The following UBTD2 variants were observed in gnomAD, a reference collection of about 807,000 sequenced individuals.
The protein encoded by UBTD2 is ubiquitin domain containing 2.
Under a neutral mutation model 19.8 loss-of-function variants are expected in UBTD2, and 9 were observed. The observed-to-expected ratio is 0.46, with a 90% CI of 0.27 to 0.79. The LOEUF (loss-of-function observed/expected upper bound fraction) is 0.79, where lower values mean the gene tolerates loss of function less well. Among genes scored for constraint, UBTD2 ranks in the 30% least tolerant of loss-of-function variants. The probability of loss-of-function intolerance (pLI) is 0.14; values close to 1 mark genes in which losing one functional copy is unlikely to be tolerated. For synonymous variants in UBTD2, 98 were observed against 103.9 expected (o/e 0.94, Z 0.35); for missense variants, 250 against 300.4 (o/e 0.83, Z 1.24).
chr5:172,252,934 G>A (rs1755059443), intron 1 of UBTD2, among the ~76,000 whole-genome samples: 1 of 152,284 alleles, frequency 6.6e-6, no homozygotes, highest in South Asian at 2.1e-4. Context: ...TAAAGAAAAA[G>A]ATATTTTGAA....
intron 1 of UBTD2, chr5:172,255,215 AAGG>A (rs1755114301): frequency 1.3e-5 from 6 of 445,638 alleles, no homozygotes; most frequent in South Asian, 5.7e-5. Context: ...TTCCCAGCAG[AAGG>A]AGGTGAACTC....
At chr5:172,245,416 A>G (rs1259222725) in intron 1 of UBTD2, among the ~76,000 whole-genome samples, 6 of 152,226 alleles carry the variant, frequency 3.9e-5, no homozygotes, top group African/African-American at 1.2e-4. Flanking sequence ...CTGTGCATGC[A>G]TGGAACAGTC....
intron 2 of UBTD2, among the ~76,000 whole-genome samples, chr5:172,216,915 G>A (rs1362022318): frequency 3.3e-5 from 5 of 152,000 alleles, no homozygotes; most frequent in Admixed American, 2.0e-4. Flanking sequence ...GCAGTGAGCC[G>A]AGATTGTGTC....
At chr5:172,231,939 A>C (rs1771909072) in intron 2 of UBTD2, among the ~76,000 whole-genome samples, 2 of 152,222 alleles carry the variant, frequency 1.3e-5, no homozygotes, top group African/African-American at 4.8e-5. Context: ...ACATAAAAGT[A>C]AAGAATTTAG....
chr5:172,257,542 T>C (rs1755180890), intron 1 of UBTD2, among the ~76,000 whole-genome samples: 1 of 152,220 alleles, frequency 6.6e-6, no homozygotes, highest in Admixed American at 6.5e-5. Context: ...CTGGTTTAAG[T>C]TATTTGAGAA....
intron 1 of UBTD2, among the ~76,000 whole-genome samples, chr5:172,238,410 G>A (rs1419529312): frequency 2.0e-5 from 3 of 152,044 alleles, no homozygotes; most frequent in Non-Finnish European, 4.4e-5. Flanking sequence ...AATTAATAAA[G>A]CAATCTAATC....
intron 2 of UBTD2, among the ~76,000 whole-genome samples, chr5:172,220,169 G>A (rs965160127): frequency 2.6e-5 from 4 of 152,088 alleles, no homozygotes; most frequent in Non-Finnish European, 4.4e-5. Context: ...ATTCAAGACT[G>A]GTTCAACATT....
rs768809522 is a variant in UBTD2, at chr5:172,211,997, G to A, written c.538C>T (p.Arg180Trp). 6.8e-5 allele frequency: 110 copies of A among 1,614,070 alleles called. No homozygotes were observed. The highest frequency in any genetic ancestry group is 8.3e-5 in the Non-Finnish European group (98 of 1,180,042). ...STDTVFHMKR[R>W]LHAAEGVEPG... ...TCCACTCCCTCTGCTGCATGCAACCGTCTCTTCATGTGGAATACTGTGTCT... is the reference window on the plus strand; with the variant it reads ...TCCACTCCCTCTGCTGCATGCAACCATCTCTTCATGTGGAATACTGTGTCT... The change falls in exon 3 of 3, where the codon CGG becomes TGG. Residue 180 changes from arginine (R) to tryptophan (W), a missense_variant. Physicochemically the swap from Arg to Trp is moderately radical, Grantham distance 101. Coordinates refer to ENST00000393792, the MANE Select transcript of UBTD2 (RefSeq NM_152277.3).
intron 2 of UBTD2, among the ~76,000 whole-genome samples, chr5:172,220,233 C>T (rs1771624254): frequency 6.6e-6 from 1 of 152,176 alleles, no homozygotes; most frequent in South Asian, 2.1e-4. Flanking sequence ...AGAAAAATCA[C>T]ATGATCATAT....
chr5:172,261,268 T>C (rs1210993493), intron 1 of UBTD2, among the ~76,000 whole-genome samples: 3 of 152,180 alleles, frequency 2.0e-5, no homozygotes, highest in Non-Finnish European at 4.4e-5. Context: ...TCCTTCAACT[T>C]ACCCCTTGGG....
chr5:172,259,020 T>C (rs1301916374), intron 1 of UBTD2, among the ~76,000 whole-genome samples: 1 of 152,222 alleles, frequency 6.6e-6, no homozygotes, highest in East Asian at 1.9e-4. Context: ...CCTTGTTTTG[T>C]TCTGGTTCTC....
intron 1 of UBTD2, among the ~76,000 whole-genome samples, chr5:172,259,516 A>G (rs1237320416): frequency 6.6e-6 from 1 of 152,068 alleles, no homozygotes; most frequent in Non-Finnish European, 1.5e-5. Flanking sequence ...TAGAAGAGAG[A>G]AGAGACTATA....
At chr5:172,272,970 G>A (rs772227061) in intron 1 of UBTD2, among the ~76,000 whole-genome samples, 33 of 151,934 alleles carry the variant, frequency 2.2e-4, no homozygotes, top group Non-Finnish European at 7.4e-5. Flanking sequence ...CCAGCTACTC[G>A]GGAGGCTGAG....
chr5:172,269,090 G>T (rs1460360664), intron 1 of UBTD2, among the ~76,000 whole-genome samples: 3 of 152,188 alleles, frequency 2.0e-5, no homozygotes, highest in South Asian at 2.1e-4. Context: ...TATCAAAAAA[G>T]ATATATAAAT....
intron 2 of UBTD2, among the ~76,000 whole-genome samples, chr5:172,227,695 CTTTTTTT>C (rs1164255222): frequency 4.6e-4 from 33 of 72,168 alleles, no homozygotes; most frequent in East Asian, 1.7e-3. Context: ...ATGAAAAATT[CTTTTTTT>C]TTTTTTTTTT....
chr5:172,275,188 G>A (rs1755582463), intron 1 of UBTD2, among the ~76,000 whole-genome samples: 1 of 152,238 alleles, frequency 6.6e-6, no homozygotes, highest in South Asian at 2.1e-4. Context: ...GGAGGAAGAA[G>A]TGCCGAGCAA....
At chr5:172,257,208 C>G (rs192732717) in intron 1 of UBTD2, among the ~76,000 whole-genome samples, 1 of 152,168 alleles carries the variant, frequency 6.6e-6, no homozygotes, top group African/African-American at 2.4e-5. Context: ...CAATGTTTAG[C>G]TCCCACTTAT....
At chr5:172,281,988 A>G (rs543813676) in intron 1 of UBTD2, among the ~76,000 whole-genome samples, 3 of 152,366 alleles carry the variant, frequency 2.0e-5, no homozygotes, top group African/African-American at 4.8e-5. Context: ...TTTAAAGCCC[A>G]TATTAATAAT....
chr5:172,269,946 G>A (rs575998287), intron 1 of UBTD2, among the ~76,000 whole-genome samples: 9 of 151,316 alleles, frequency 5.9e-5, no homozygotes, highest in African/African-American at 2.2e-4. Context: ...GCATGGTTGC[G>A]CATGCCTGTA....
Sources: allele counts gnomAD v4.1 joint callset (sites outside exome capture counted in the v4.1 genomes callset), GRCh38; gene constraint gnomAD v4.1.1; transcripts MANE v1.5; gene names NCBI Gene and HGNC (gene_info 2026-07-23, HGNC 2026-07-21).